Variants in COL21A1 observed in about 807,000 individuals in gnomAD.
The protein encoded by COL21A1 is collagen type XXI alpha 1 chain, also known as collagen alpha-1(XXI) chain.
A neutral mutation model predicts 137.9 loss-of-function variants in COL21A1; 149 were observed. That is an observed-to-expected ratio of 1.08 (90% confidence interval 0.95 to 1.24). COL21A1 has a LOEUF of 1.24. Among genes scored for constraint, COL21A1 ranks in the 50% most tolerant of loss-of-function variants. COL21A1 has a pLI of 0.00. For missense variants in COL21A1, 1,167 were observed against 1,158.4 expected (o/e 1.01, Z -0.11); for synonymous variants, 456 against 391.5 (o/e 1.16, Z -1.95).
chr6:56,193,286 T>TA (rs1778813298), intron 1 of COL21A1, among the ~76,000 whole-genome samples: 1 of 152,048 alleles, frequency 6.6e-6, no homozygotes, highest in Admixed American at 6.5e-5. Flanking sequence ...ATTCTGTTGA[T>TA]ATATCCCAGA....
chr6:56,066,583 A>G (rs187669146), intron 23 of COL21A1, among the ~76,000 whole-genome samples: 1 of 151,984 alleles, frequency 6.6e-6, no homozygotes, highest in Admixed American at 6.6e-5. Flanking sequence ...TTATATTTCT[A>G]AAACTTAAAA....
chr6:56,144,956 A>G (rs571108443), intron 10 of COL21A1, among the ~76,000 whole-genome samples: 1 of 152,328 alleles, frequency 6.6e-6, no homozygotes, highest in Non-Finnish European at 1.5e-5. Flanking sequence ...AAAGAAACAA[A>G]TGGAGTCACA....
At position 56,155,117 on chromosome 6, in the gene COL21A1, C is replaced by T. The variant is rs569192062; in HGVS notation, c.1434+1770G>A. On this transcript the variant is annotated intron_variant, in intron 10 of 29. Coordinates refer to ENST00000244728, the MANE Select transcript of COL21A1 (RefSeq NM_030820.4). ...CCAGTGTGTGTTGTTCTCCTCTATG[C>T]GTCCATATGTTTTCATGATTTAGCT... Among the ~76,000 whole-genome samples, 55 of 152,178 alleles carry T rather than the reference C, an allele frequency of 3.6e-4. No homozygotes were observed. In the South Asian group the frequency reaches 8.5e-3, roughly 24 times the overall value.
intron 1 of COL21A1, among the ~76,000 whole-genome samples, chr6:56,307,805 C>T (rs1410859312): frequency 6.6e-6 from 1 of 152,168 alleles, no homozygotes; most frequent in Non-Finnish European, 1.5e-5. Context: ...CACCCGTCTT[C>T]TGCGTCGCTC....
At chr6:56,391,123 T>C (rs1434435757) in intron 1 of COL21A1, among the ~76,000 whole-genome samples, 1 of 152,140 alleles carries the variant, frequency 6.6e-6, no homozygotes, top group East Asian at 1.9e-4. Flanking sequence ...TCAAGTAACT[T>C]TTCCAACCAC....
chr6:56,166,860 A>G (rs371021255), intron 7 of COL21A1, 46 bp downstream of exon 7: 3 of 1,360,720 alleles, frequency 2.2e-6, no homozygotes, highest in African/African-American at 1.4e-5. Flanking sequence ...ATTGCTTTGA[A>G]AGTACTAAAG....
chr6:56,167,734 C>T (rs1776702757), intron 6 of COL21A1, among the ~76,000 whole-genome samples: 5 of 152,160 alleles, frequency 3.3e-5, no homozygotes, highest in Admixed American at 3.3e-4. Context: ...AGAACCCTGA[C>T]ATGAATTAAT....
chr6:56,338,023 C>T (rs1325008598), intron 1 of COL21A1, among the ~76,000 whole-genome samples: 11 of 141,214 alleles, frequency 7.8e-5, no homozygotes, highest in Non-Finnish European at 1.2e-4. Context: ...AGTGCAGTGG[C>T]GCAATCTCGG....
intron 12 of COL21A1, among the ~76,000 whole-genome samples, chr6:56,126,931 T>C (rs1423131716): frequency 6.6e-6 from 1 of 152,186 alleles, no homozygotes; most frequent in Non-Finnish European, 1.5e-5. Context: ...CTGTGACTGA[T>C]ATAATTTTTA....
chr6:56,227,673 A>G (rs529103034), intron 1 of COL21A1, among the ~76,000 whole-genome samples: 2 of 152,074 alleles, frequency 1.3e-5, no homozygotes, highest in South Asian at 4.1e-4. Flanking sequence ...CACAATATGC[A>G]CAGTCATCTA....
intron 16 of COL21A1, among the ~76,000 whole-genome samples, chr6:56,102,589 A>G (rs1770554709): frequency 6.6e-6 from 1 of 152,206 alleles, no homozygotes; most frequent in Non-Finnish European, 1.5e-5. Context: ...AATGCACTGA[A>G]GCATATTATA....
At chr6:56,144,524 T>C (rs1332887709) in intron 10 of COL21A1, among the ~76,000 whole-genome samples, 1 of 152,246 alleles carries the variant, frequency 6.6e-6, no homozygotes, top group Non-Finnish European at 1.5e-5. Context: ...ATTATTTTTC[T>C]TTTACAGTTT....
At chr6:56,353,496 C>T (rs1307220264) in intron 1 of COL21A1, among the ~76,000 whole-genome samples, 1 of 152,136 alleles carries the variant, frequency 6.6e-6, no homozygotes, top group Non-Finnish European at 1.5e-5. Flanking sequence ...GACATTCCTA[C>T]AGCAACCACA....
At chr6:56,313,542 ATC>A (rs1764660997) in intron 1 of COL21A1, among the ~76,000 whole-genome samples, 1 of 152,088 alleles carries the variant, frequency 6.6e-6, no homozygotes, top group Admixed American at 6.6e-5. Flanking sequence ...TCAGAGAGAG[ATC>A]TCTCTATTGT....
chr6:56,159,087 C>G (rs559434444), intron 9 of COL21A1, among the ~76,000 whole-genome samples: 1 of 152,156 alleles, frequency 6.6e-6, no homozygotes, highest in East Asian at 1.9e-4. Context: ...GGACTTGCTG[C>G]CTTTCAAGAA....
intron 1 of COL21A1, among the ~76,000 whole-genome samples, chr6:56,356,159 T>A (rs1202273514): frequency 6.6e-6 from 1 of 152,184 alleles, no homozygotes; most frequent in Non-Finnish European, 1.5e-5. Context: ...AACAGAATAA[T>A]GAGTTCTGTG....
chr6:56,301,352 T>C (rs750416432), intron 1 of COL21A1, among the ~76,000 whole-genome samples: 7 of 152,172 alleles, frequency 4.6e-5, no homozygotes, highest in Non-Finnish European at 1.0e-4. Context: ...AGCCAAGGAA[T>C]GCAGGCATTC....
intron 1 of COL21A1, among the ~76,000 whole-genome samples, chr6:56,192,259 C>A (rs905683418): frequency 6.6e-6 from 1 of 152,062 alleles, no homozygotes; most frequent in Non-Finnish European, 1.5e-5. Flanking sequence ...AGAAGAAAAC[C>A]TAGGCAATAC....
At chr6:56,179,169 T>G (rs1196549700) in intron 3 of COL21A1, among the ~76,000 whole-genome samples, 1 of 151,774 alleles carries the variant, frequency 6.6e-6, no homozygotes, top group Non-Finnish European at 1.5e-5. Flanking sequence ...TAAAACACAC[T>G]GGGGAAAAAA....
Sources: allele counts gnomAD v4.1 joint callset (sites outside exome capture counted in the v4.1 genomes callset), GRCh38; gene constraint gnomAD v4.1.1; transcripts MANE v1.5; gene names NCBI Gene and HGNC (gene_info 2026-07-23, HGNC 2026-07-21).